The following TMEM45B variants were observed in gnomAD, a reference collection of about 807,000 sequenced individuals.
TMEM45B encodes the protein transmembrane protein 45B.
In TMEM45B, 29 loss-of-function variants were observed where a neutral mutation model predicts 27.3. That is an observed-to-expected ratio of 1.06 (90% CI 0.79 to 1.45). The LOEUF is 1.45. TMEM45B is among the 40% of genes most tolerant of loss of function. TMEM45B has a pLI of 0.00. For missense variants in TMEM45B, 348 were observed against 343.9 expected, an observed-to-expected ratio of 1.01 and a Z score of -0.09; for synonymous variants, 143 against 134.7, an observed-to-expected ratio of 1.06 and a Z score of -0.43.
intron 1 of TMEM45B, among the ~76,000 whole-genome samples, chr11:129,849,426 A>G (rs1000349073): frequency 6.6e-6 from 1 of 152,188 alleles, no homozygotes; most frequent in African/African-American, 2.4e-5. Context: ...TTCTGAACAC[A>G]CTGGGGTGGG....
At chr11:129,853,616 T>C (rs1947879844) in intron 2 of TMEM45B, among the ~76,000 whole-genome samples, 1 of 152,136 alleles carries the variant, frequency 6.6e-6, no homozygotes, top group Non-Finnish European at 1.5e-5. Context: ...GTGAAAATGG[T>C]ACTCATTCAA....
At position 129,858,565 on chromosome 11, in the gene TMEM45B, C is replaced by G. The variant is rs770194619; in HGVS notation, c.717-9C>G. The G allele has an allele frequency of 6.4e-6, 10 of 1,571,474 alleles. No homozygotes were observed. The highest frequency in any genetic ancestry group is 6.9e-6 in the Non-Finnish European group (8 of 1,156,090). ...TGGCTAATTGGCTCTTACTCTTTCT[C>G]TATTAAAGCCTTTTGACTCGGATGA... On this transcript the variant is annotated splice_polypyrimidine_tract_variant and intron_variant, in intron 5 of 5. Coordinates refer to ENST00000281441, the MANE Select transcript of TMEM45B (RefSeq NM_138788.5).
chr11:129,839,115 A>G (rs1234365807), intron 1 of TMEM45B, among the ~76,000 whole-genome samples: 1 of 152,122 alleles, frequency 6.6e-6, no homozygotes, highest in Non-Finnish European at 1.5e-5. Flanking sequence ...ATCTCAAATG[A>G]GAGAGCGAGA....
At chr11:129,824,763 T>C (rs1180384496) in intron 1 of TMEM45B, among the ~76,000 whole-genome samples, 1 of 152,196 alleles carries the variant, frequency 6.6e-6, no homozygotes, top group East Asian at 1.9e-4. Flanking sequence ...TAATATAACA[T>C]GGTAAGTGAT....
At chr11:129,846,586 G>A (rs1261383162) in intron 1 of TMEM45B, among the ~76,000 whole-genome samples, 1 of 152,050 alleles carries the variant, frequency 6.6e-6, no homozygotes, top group Admixed American at 6.6e-5. Context: ...GGTAAGCTGT[G>A]GACTAACCAC....
chr11:129,853,676 T>C lies in TMEM45B; in HGVS notation c.179-934T>C, dbSNP rs77914758. On this transcript the variant is annotated intron_variant, in intron 2 of 5. Transcript: ENST00000281441. ...AGCCAGGAAGTCACTGTTCCAGGCA[T>C]AGGAGATACACTGGGGAACCACACA... Among the ~76,000 whole-genome samples, 955 of 152,074 alleles carry C rather than the reference T, an allele frequency of 6.3e-3. 14 individuals are homozygous for C. Among genetic ancestry groups the C allele is most frequent in the African/African-American group, 0.022 (922 of 41,364 alleles).
chr11:129,836,123 TA>T (rs879428065), intron 1 of TMEM45B, among the ~76,000 whole-genome samples: 41 of 146,570 alleles, frequency 2.8e-4, no homozygotes, highest in South Asian at 6.5e-4. Flanking sequence ...CATTTCAAAT[TA>T]AAAAAAAAAA....
At chr11:129,832,589 TG>T (rs77622468) in intron 1 of TMEM45B, among the ~76,000 whole-genome samples, 43,753 of 149,642 alleles carry the variant, frequency 0.29, 6,624 homozygotes, top group South Asian at 0.36. Context: ...TGGGATTTCG[TG>T]GGGGGTTGGT....
chr11:129,827,282 A>G (rs1291987775), intron 1 of TMEM45B, among the ~76,000 whole-genome samples: 1 of 152,242 alleles, frequency 6.6e-6, no homozygotes, highest in Non-Finnish European at 1.5e-5. Context: ...GTGTACTTAC[A>G]CAAACCCAGA....
At position 129,859,186 on chromosome 11, in the gene TMEM45B, A is replaced by G. The variant is rs1947974831; in HGVS notation, c.*501A>G. On this transcript the variant is annotated 3_prime_UTR_variant, in exon 6 of 6. Transcript: ENST00000281441. ...CTAACTTACATATTTTTTGAAAGTA[A>G]AATAATTCACAAGCTTTGGTATTTT... The G allele has an allele frequency of 6.6e-6, 1 of 152,280 alleles. No individual in the cohort carries two copies. The allele number at this position is 152,280 out of a possible 1,614,324, so 9.4% of individuals were successfully genotyped here.
chr11:129,852,598 T>A lies in TMEM45B; in HGVS notation c.116T>A (p.Leu39Gln). The A allele has an allele frequency of 3.1e-6, 5 of 1,613,524 alleles. No individual in the cohort carries two copies. The highest frequency in any genetic ancestry group is 4.2e-6 in the Non-Finnish European group (5 of 1,179,466). The change falls in exon 2 of 6, where the codon CTA (leucine) becomes CAA (glutamine). Residue 39 changes from leucine (L) to glutamine (Q), a missense_variant. By Grantham distance (113) the Leu-to-Gln change is moderately radical. Transcript: ENST00000281441. ...YFSHTRKNSP[L>Q]HYYQRLEIVE... ...AGCCACACGCGGAAGAACAGCCCAC[T>A]ACATTACTATCAGCGTCTCGAGATC...
At chr11:129,853,863 T>C (rs1947883509) in intron 2 of TMEM45B, among the ~76,000 whole-genome samples, 1 of 152,236 alleles carries the variant, frequency 6.6e-6, no homozygotes, top group Admixed American at 6.5e-5. Flanking sequence ...GGATTTCTTC[T>C]AGGCTTCCCC....
chr11:129,842,660 G>A (rs1169784623), intron 1 of TMEM45B, among the ~76,000 whole-genome samples: 1 of 152,178 alleles, frequency 6.6e-6, no homozygotes, highest in Non-Finnish European at 1.5e-5. Context: ...GTGGATGAAA[G>A]ATTTAAATGT....
chr11:129,853,512 G>C (rs1438665038), intron 2 of TMEM45B, among the ~76,000 whole-genome samples: 1 of 152,250 alleles, frequency 6.6e-6, no homozygotes, highest in Non-Finnish European at 1.5e-5. Flanking sequence ...CCTCCCGTGA[G>C]AAGTGACAGG....
At chr11:129,856,295 T>A (rs1306528403) in intron 4 of TMEM45B, among the ~76,000 whole-genome samples, 1 of 152,106 alleles carries the variant, frequency 6.6e-6, no homozygotes, top group East Asian at 1.9e-4. Flanking sequence ...GACTGCAACC[T>A]CCATCTCCCA....
chr11:129,836,702 C>T (rs1947624247), intron 1 of TMEM45B, among the ~76,000 whole-genome samples: 1 of 152,122 alleles, frequency 6.6e-6, no homozygotes, highest in Non-Finnish European at 1.5e-5. Flanking sequence ...ATGGCCATCT[C>T]CAAGCCAAGG....
At chr11:129,851,811 T>A (rs1208633803) in intron 1 of TMEM45B, among the ~76,000 whole-genome samples, 1 of 152,220 alleles carries the variant, frequency 6.6e-6, no homozygotes, top group Non-Finnish European at 1.5e-5. Flanking sequence ...TACATCGTTA[T>A]GCTGATTTTT....
intron 1 of TMEM45B, among the ~76,000 whole-genome samples, chr11:129,825,378 G>A (rs992164831): frequency 1.3e-5 from 2 of 152,198 alleles, no homozygotes; most frequent in African/African-American, 4.8e-5. Flanking sequence ...TTTGGGATAT[G>A]AGAAGAGAAG....
At chr11:129,845,546 GT>G (rs1160125925) in intron 1 of TMEM45B, among the ~76,000 whole-genome samples, 10 of 151,964 alleles carry the variant, frequency 6.6e-5, no homozygotes, top group African/African-American at 2.4e-4. Flanking sequence ...TATGAAAAAA[GT>G]AATTAAAATG....
Sources: gnomAD v4.1 joint callset for allele counts (sites outside exome capture counted in the v4.1 genomes callset) on GRCh38, gnomAD v4.1.1 for gene constraint, MANE v1.5 for transcripts, NCBI Gene and HGNC (gene_info 2026-07-23, HGNC 2026-07-21) for gene names.